The following RRS1 variants were observed in gnomAD, a reference collection of about 807,000 sequenced individuals.
The protein encoded by RRS1 is ribosome biogenesis regulatory protein homolog.
A neutral mutation model predicts 23.1 loss-of-function variants in RRS1; 10 were observed. The ratio of observed to expected loss-of-function variants is 0.43; its 90% CI spans 0.27 to 0.74. The LOEUF (loss-of-function observed/expected upper bound fraction) is 0.74, where lower values mean the gene tolerates loss of function less well. RRS1 is among the 30% of genes least tolerant of loss of function. RRS1 has a pLI of 0.19. For missense variants in RRS1, 485 were observed against 484.3 expected (o/e 1.00, Z -0.01); for synonymous variants, 198 against 207.7 (o/e 0.95, Z 0.40).
rs867283216 is a variant in RRS1 at position 66,429,239 on chromosome 8, G to C, written c.108G>C (p.Leu36=). The C allele has an allele frequency of 6.2e-7, 1 of 1,608,116 alleles. No homozygotes were observed. Among genetic ancestry groups the C allele is most frequent in the East Asian group, 2.2e-5 (1 of 44,562 alleles). ...AGGAGCTGGAGCTGCAGTTTGACCTGGGCAACCTGCTGGCGTCGGACCGGA... is the reference window on the plus strand; with the variant it reads ...AGGAGCTGGAGCTGCAGTTTGACCTCGGCAACCTGCTGGCGTCGGACCGGA... ...VHKELELQFD[L]GNLLASDRNP... Residue 36 remains leucine, a synonymous_variant, in exon 1 of 1, where the codon CTG becomes CTC. Transcript: ENST00000320270. This position sits in a 1 kb window ranked among gnomAD's most constrained non-coding sequence, Gnocchi z 5.1.
Position 66,429,266 on chromosome 8 carries a change from C to T in RRS1, c.135C>T (p.Asn45=), listed in dbSNP as rs536702091. Residue 45 remains asparagine, a synonymous_variant, in exon 1 of 1, where the codon AAC becomes AAT. Transcript: ENST00000320270. The surrounding 1 kb of genome is among the most constrained non-coding windows in gnomAD (Gnocchi z 5.1). ...DLGNLLASDR[N]PPTGLRCAGP... ...GCAACCTGCTGGCGTCGGACCGGAA[C>T]CCCCCGACCGGGCTGCGGTGCGCCG... 36 of 1,587,210 alleles carry T rather than the reference C, an allele frequency of 2.3e-5. No individual in the cohort carries two copies. The highest frequency in any genetic ancestry group is 4.0e-5 in the African/African-American group (3 of 74,346).
In RRS1 at chr8:66,429,320, C is replaced by T; in HGVS notation, c.189C>T (p.Ala63=). 6.4e-7 allele frequency: 1 copy of T among 1,555,056 alleles called. No individual in the cohort carries two copies. Among genetic ancestry groups the T allele is most frequent in the Non-Finnish European group, 8.7e-7 (1 of 1,149,258 alleles). The change falls in exon 1 of 1, where the codon GCC becomes GCT. Residue 63 remains alanine, a synonymous_variant. Coordinates refer to ENST00000320270, the MANE Select transcript of RRS1 (RefSeq NM_015169.4). This position sits in a 1 kb window ranked among gnomAD's most constrained non-coding sequence, Gnocchi z 5.1. ...AGPTPEAELQ[A]LARDNTQLLI... ...CCACGCCGGAGGCCGAGCTACAGGCCCTGGCGCGGGACAACACGCAACTGC... is the reference window on the plus strand; with the variant it reads ...CCACGCCGGAGGCCGAGCTACAGGCTCTGGCGCGGGACAACACGCAACTGC...
chr8:66,430,305 G>A lies in RRS1; in HGVS notation c.*76G>A. On this transcript the variant is annotated 3_prime_UTR_variant, in exon 1 of 1. Coordinates refer to ENST00000320270, the MANE Select transcript of RRS1 (RefSeq NM_015169.4). ...ATGTTAAGTTCTAGGCAATTATACG[G>A]GGACTCAGAAGGACCTGGCCGCTGC... 6.6e-7 allele frequency: 1 copy of A among 1,513,168 alleles called. No homozygotes were observed. Among genetic ancestry groups the A allele is most frequent in the South Asian group, 1.2e-5 (1 of 81,064 alleles). The allele number at this position is 1,513,168 out of a possible 1,614,324, so 93.7% of individuals were successfully genotyped here.
In RRS1 at chr8:66,430,445, T is replaced by C; in HGVS notation, c.*216T>C. Reference sequence around the variant, plus strand: ...GAGACTTTGGAGATTAAGAACTTATTTGAGGATTTAAGAATTAGGGAAATA... The same window carrying C: ...GAGACTTTGGAGATTAAGAACTTATCTGAGGATTTAAGAATTAGGGAAATA... On this transcript the variant is annotated 3_prime_UTR_variant, in exon 1 of 1. Transcript: ENST00000320270. 1 of 542,068 alleles carries C rather than the reference T, an allele frequency of 1.8e-6. No homozygotes were observed. Among genetic ancestry groups the C allele is most frequent in the Non-Finnish European group, 3.3e-6 (1 of 306,744 alleles). The allele number at this position is 542,068 out of a possible 1,614,324, so 33.6% of individuals were successfully genotyped here.
Position 66,429,275 on chromosome 8 carries a change from C to T in RRS1, c.144C>T (p.Thr48=), listed in dbSNP as rs1040905517. Residue 48 remains threonine (T), a synonymous_variant, in exon 1 of 1, where the codon ACC becomes ACT. Transcript: ENST00000320270. The surrounding 1 kb of genome is among the most constrained non-coding windows in gnomAD (Gnocchi z 5.1). ...NLLASDRNPP[T]GLRCAGPTPE... is the part of the protein sequence containing the mutation. Reference sequence around the variant, plus strand: ...TGGCGTCGGACCGGAACCCCCCGACCGGGCTGCGGTGCGCCGGACCCACGC... The same window carrying T: ...TGGCGTCGGACCGGAACCCCCCGACTGGGCTGCGGTGCGCCGGACCCACGC... 8 of 1,579,368 alleles carry T rather than the reference C, an allele frequency of 5.1e-6. No homozygotes were observed. Among genetic ancestry groups the T allele is most frequent in the Middle Eastern group, 1.7e-4 (1 of 6,032 alleles).
Position 66,430,198 on chromosome 8 carries a change from G to C in RRS1, c.1067G>C (p.Gly356Ala), listed in dbSNP as rs751138161. 3 of 1,614,208 alleles carry C rather than the reference G, an allele frequency of 1.9e-6. No individual in the cohort carries two copies. The East Asian group carries it at 6.7e-5, about 36-fold the overall frequency. The change falls in exon 1 of 1, where the codon GGA (glycine) becomes GCA (alanine). Residue 356 changes from glycine to alanine, a missense_variant. Transcript: ENST00000320270. ...PPGLGGKRKG[G>A]QRPGGKRRK ...GGCTTGGGTGGCAAGAGAAAAGGAG[G>C]ACAGCGCCCAGGAGGAAAGAGGAGG... is the stretch of plus-strand genomic sequence containing the variant.
In RRS1 at chr8:66,429,973, A is replaced by G; in HGVS notation, c.842A>G (p.Gln281Arg). 2 of 1,614,168 alleles carry G rather than the reference A, an allele frequency of 1.2e-6. No individual in the cohort carries two copies. Among genetic ancestry groups the G allele is most frequent in the Non-Finnish European group, 1.7e-6 (2 of 1,180,018 alleles). The change falls in exon 1 of 1, where the codon CAG (glutamine) becomes CGG (arginine). Residue 281 changes from glutamine to arginine, a missense_variant. Physicochemically the swap from Gln to Arg is conservative, Grantham distance 43 (BLOSUM62 1). Transcript: ENST00000320270. This position sits in a 1 kb window ranked among gnomAD's most constrained non-coding sequence, Gnocchi z 5.1. Reference protein sequence around the residue: ...LLRVMNSKKPQLDVTRATNKQ... With the variant: ...LLRVMNSKKPRLDVTRATNKQ... ...CGTGTCATGAACAGCAAGAAGCCTCAGCTGGATGTGACTAGGGCCACCAAT... is the reference window on the plus strand; with the variant it reads ...CGTGTCATGAACAGCAAGAAGCCTCGGCTGGATGTGACTAGGGCCACCAAT...
rs767226444 is a variant in RRS1 at position 66,429,380 on chromosome 8, C to T, written c.249C>T (p.Arg83=). ...AGCTGTGGCAGCTGCCCACGGAGCG[C>T]GTGGAAGAGGCGATAGTGGCGCGGC... ...INQLWQLPTE[R]VEEAIVARLP... is the part of the protein sequence containing the mutation. The change falls in exon 1 of 1, where the codon CGC becomes CGT. Residue 83 remains arginine, a synonymous_variant. Transcript: ENST00000320270. The surrounding 1 kb of genome is among the most constrained non-coding windows in gnomAD (Gnocchi z 5.1). The T allele has an allele frequency of 1.9e-6, 3 of 1,550,254 alleles. No homozygotes were observed. Among genetic ancestry groups the T allele is most frequent in the South Asian group, 1.2e-5 (1 of 84,238 alleles).
At position 66,429,848 on chromosome 8, in the gene RRS1, C is replaced by A; in HGVS notation, c.717C>A (p.Leu239=). 1 of 1,613,612 alleles carries A rather than the reference C, an allele frequency of 6.2e-7. No individual in the cohort carries two copies. Among genetic ancestry groups the A allele is most frequent in the Non-Finnish European group, 8.5e-7 (1 of 1,180,018 alleles). The change falls in exon 1 of 1, where the codon CTC becomes CTA. Residue 239 remains leucine, a synonymous_variant. Transcript: ENST00000320270. The surrounding 1 kb of genome is among the most constrained non-coding windows in gnomAD (Gnocchi z 5.1). ...TASVGRFQER[L]PKEKVPRGSG... ...CTGTGGGGCGCTTTCAGGAGCGCCT[C>A]CCCAAGGAGAAGGTGCCCCGGGGCT...
rs1264715418 is a variant in RRS1 at position 66,429,963 on chromosome 8, A to G, written c.832A>G (p.Lys278Glu). ...GGAGCTGCTTCGTGTCATGAACAGC[A>G]AGAAGCCTCAGCTGGATGTGACTAG... The part of the protein sequence containing the change: ...QLELLRVMNS[K>E]KPQLDVTRAT... The change falls in exon 1 of 1, where the codon AAG (lysine) becomes GAG (glutamate). Residue 278 changes from lysine (K) to glutamate (E), a missense_variant. By Grantham distance (56) the Lys-to-Glu change is moderately conservative (BLOSUM62 1). Coordinates refer to ENST00000320270, the MANE Select transcript of RRS1 (RefSeq NM_015169.4). This position sits in a 1 kb window ranked among gnomAD's most constrained non-coding sequence, Gnocchi z 5.1. 3 of 1,614,006 alleles carry G rather than the reference A, an allele frequency of 1.9e-6. No individual in the cohort carries two copies. Among genetic ancestry groups the G allele is most frequent in the African/African-American group, 1.3e-5 (1 of 74,942 alleles).
At position 66,429,762 on chromosome 8, in the gene RRS1, G is replaced by A. The variant is rs772845139; in HGVS notation, c.631G>A (p.Gly211Arg). ...CAGCGCGGCCGGCTTGCACCCTACC[G>A]GACACCAGAGTAAGGAGGAGCTGGG... ...LPSAAGLHPT[G>R]HQSKEELGRA... The change falls in exon 1 of 1, where the codon GGA (glycine) becomes AGA (arginine). Residue 211 changes from glycine to arginine, a missense_variant. Transcript: ENST00000320270. The surrounding 1 kb of genome is among the most constrained non-coding windows in gnomAD (Gnocchi z 5.1). The A allele has an allele frequency of 5.0e-6, 8 of 1,612,660 alleles. No individual in the cohort carries two copies. The highest frequency in any genetic ancestry group is 4.0e-5 in the African/African-American group (3 of 75,054).
rs757358538 is a variant in RRS1, at chr8:66,429,630, T to C, written c.499T>C (p.Leu167=). Residue 167 remains leucine (L), a synonymous_variant, in exon 1 of 1, where the codon TTG becomes CTG. Coordinates refer to ENST00000320270, the MANE Select transcript of RRS1 (RefSeq NM_015169.4). The surrounding 1 kb of genome is among the most constrained non-coding windows in gnomAD (Gnocchi z 5.1). ...LIEVPGNADP[L]EDQFAKRIQA... ...TGAGGTGCCCGGCAATGCCGACCCC[T>C]TGGAGGACCAGTTCGCCAAGCGGAT... The C allele has an allele frequency of 1.4e-5, 22 of 1,613,020 alleles. No individual in the cohort carries two copies. The East Asian group carries it at 2.2e-4, about 16-fold the overall frequency.
Position 66,430,462 on chromosome 8 carries a change from A to G in RRS1, c.*233A>G, listed in dbSNP as rs901973104. On this transcript the variant is annotated 3_prime_UTR_variant, in exon 1 of 1. Coordinates refer to ENST00000320270, the MANE Select transcript of RRS1 (RefSeq NM_015169.4). ...GAACTTATTTGAGGATTTAAGAATT[A>G]GGGAAATAATTTGGTGGAAACCGGG... is the stretch of plus-strand genomic sequence containing the variant. 162 of 502,882 alleles carry G rather than the reference A, an allele frequency of 3.2e-4. No homozygotes were observed. The highest frequency in any genetic ancestry group is 5.3e-4 in the Middle Eastern group (1 of 1,878). The allele number at this position is 502,882 out of a possible 1,614,324, so 31.2% of individuals were successfully genotyped here. A position where few individuals can be genotyped will look rare whatever the true frequency, so the allele number is the denominator to read the frequency against.
In RRS1 at chr8:66,429,324, G is replaced by C. The variant is rs1296937019; in HGVS notation, c.193G>C (p.Ala65Pro). The C allele has an allele frequency of 6.4e-7, 1 of 1,554,284 alleles. No individual in the cohort carries two copies. Among genetic ancestry groups the C allele is most frequent in the Admixed American group, 2.0e-5 (1 of 51,198 alleles). ...PTPEAELQAL[A>P]RDNTQLLINQ... ...GCCGGAGGCCGAGCTACAGGCCCTG[G>C]CGCGGGACAACACGCAACTGCTCAT... Residue 65 changes from alanine (A) to proline (P), a missense_variant, in exon 1 of 1, where the codon GCG becomes CCG. Transcript: ENST00000320270. The surrounding 1 kb of genome is among the most constrained non-coding windows in gnomAD (Gnocchi z 5.1).
chr8:66,429,417 A>G lies in RRS1; in HGVS notation c.286A>G (p.Thr96Ala). The change falls in exon 1 of 1, where the codon ACC (threonine) becomes GCC (alanine). Residue 96 changes from threonine to alanine, a missense_variant. Coordinates refer to ENST00000320270, the MANE Select transcript of RRS1 (RefSeq NM_015169.4). This position sits in a 1 kb window ranked among gnomAD's most constrained non-coding sequence, Gnocchi z 5.1. ...EAIVARLPEP[T>A]TRLPREKPLP... ...GATAGTGGCGCGGCTGCCGGAGCCC[A>G]CCACACGCCTGCCGCGAGAGAAGCC... 6.4e-7 allele frequency: 1 copy of G among 1,551,268 alleles called. No individual in the cohort carries two copies. Among genetic ancestry groups the G allele is most frequent in the Non-Finnish European group, 8.7e-7 (1 of 1,147,496 alleles).
chr8:66,429,896 A>AC lies in RRS1; in HGVS notation c.769dup (p.Leu257ProfsTer30). ...GCTCCGGCAAGAAAAGGAAGTTTCAACCCCTTTTCGGGGACTTTGCAGCCG... is the reference window on the plus strand; with the variant it reads ...GCTCCGGCAAGAAAAGGAAGTTTCAACCCCCTTTTCGGGGACTTTGCAGCCG... On this transcript the variant is annotated frameshift_variant, in exon 1 of 1. Coordinates refer to ENST00000320270, the MANE Select transcript of RRS1 (RefSeq NM_015169.4). LOFTEE classifies it high-confidence loss of function. The surrounding 1 kb of genome is among the most constrained non-coding windows in gnomAD (Gnocchi z 5.1). The AC allele has an allele frequency of 1.2e-6, 2 of 1,613,958 alleles. No individual in the cohort carries two copies. Among genetic ancestry groups the AC allele is most frequent in the Non-Finnish European group, 1.7e-6 (2 of 1,179,998 alleles).
In RRS1 at chr8:66,430,091, G is replaced by A. The variant is rs754217904; in HGVS notation, c.960G>A (p.Gly320=). ...GAAAGGGAGGCCGGCAGGGGCCTGG[G>A]GGCAAGAGGAAAGGGGGCCCGCCCA... The part of the protein sequence containing the change: ...GKRKGGRQGP[G]GKRKGGPPSQ... The change falls in exon 1 of 1, where the codon GGG becomes GGA. Residue 320 remains glycine, a synonymous_variant. Transcript: ENST00000320270. The A allele has an allele frequency of 4.3e-6, 7 of 1,613,206 alleles. No individual in the cohort carries two copies. In the African/African-American group the frequency reaches 6.7e-5, roughly 15 times the overall value.
rs374676415 is a variant in RRS1, at chr8:66,429,142, A to G, written c.11A>G (p.Gln4Arg). Residue 4 changes from glutamine (Q) to arginine (R), a missense_variant, in exon 1 of 1, where the codon CAG (glutamine) becomes CGG (arginine). Transcript: ENST00000320270. The surrounding 1 kb of genome is among the most constrained non-coding windows in gnomAD (Gnocchi z 5.1). MEG[Q>R]SVEELLAKAE... ...AGCCGAGCCGGAGCCATGGAGGGCC[A>G]GAGCGTGGAGGAGCTGCTCGCAAAG... 5.0e-6 allele frequency: 8 copies of G among 1,607,704 alleles called. No individual in the cohort carries two copies. The highest frequency in any genetic ancestry group is 6.0e-6 in the Non-Finnish European group (7 of 1,175,692).
rs1233298139 is a variant in RRS1 at position 66,429,722 on chromosome 8, C to G, written c.591C>G (p.His197Gln). The stretch of plus-strand genomic sequence containing the variant: ...GGCTGCGTAACCTGGCCCGCGCGCA[C>G]AAGATGCAGCTGCCCAGCGCGGCCG... ...LNRLRNLARA[H>Q]KMQLPSAAGL... is the part of the protein sequence containing the mutation. Residue 197 changes from histidine (H) to glutamine (Q), a missense_variant, in exon 1 of 1, where the codon CAC becomes CAG. Transcript: ENST00000320270. This position sits in a 1 kb window ranked among gnomAD's most constrained non-coding sequence, Gnocchi z 5.1. 1 of 1,612,846 alleles carries G rather than the reference C, an allele frequency of 6.2e-7. No homozygotes were observed.
Sources: gnomAD v4.1 joint callset for allele counts on GRCh38, gnomAD v4.1.1 for gene constraint, Gnocchi (gnomAD v3.1) non-coding constraint, MANE v1.5 for transcripts, NCBI Gene and HGNC (gene_info 2026-07-23, HGNC 2026-07-21) for gene names.